The following FOXP1 variants were observed in gnomAD, a reference collection of about 807,000 sequenced individuals.
FOXP1 encodes the protein forkhead box protein P1.
In FOXP1, 15 loss-of-function variants were observed where a neutral mutation model predicts 98.2. The observed-to-expected ratio is 0.15, with a 90% confidence interval of 0.10 to 0.24. The LOEUF (loss-of-function observed/expected upper bound fraction) is 0.24, where lower values mean the gene tolerates loss of function less well. Ranked by LOEUF, FOXP1 falls within the 10% of genes least tolerant of loss-of-function variation. The pLI, the probability that FOXP1 is intolerant of heterozygous loss-of-function variation, is 1.00. For synonymous variants in FOXP1, 371 were observed against 314.5 expected (o/e 1.18, Z -1.90); for missense variants, 633 against 848.5 (o/e 0.75, Z 3.15).
rs2078329075 is a variant in FOXP1, at chr3:71,358,551, A to G, written c.-73+599T>C. 2.0e-5 allele frequency among the ~76,000 whole-genome samples: 3 copies of G among 152,238 alleles called. No homozygotes were observed. In the South Asian group the frequency reaches 6.2e-4, roughly 31 times the overall value. Reference sequence around the variant, plus strand: ...GCATTATATCTTGTTTCATCCTTACAACACCATCTTTCAAGGTAGTAAGGG... The same window carrying G: ...GCATTATATCTTGTTTCATCCTTACGACACCATCTTTCAAGGTAGTAAGGG... On this transcript the variant is annotated intron_variant, in intron 4 of 20. Transcript: ENST00000649528.
intron 11 of FOXP1, among the ~76,000 whole-genome samples, chr3:71,025,027 T>C (rs189991543): frequency 1.9e-3 from 288 of 152,306 alleles, no homozygotes; most frequent in African/African-American, 6.5e-3. Flanking sequence ...TTCATCTGCG[T>C]TGGATAAAGT....
rs187968121 is a variant in FOXP1, at chr3:71,323,393, G to T, written c.-72-23513C>A. Among the ~76,000 whole-genome samples, 18 of 152,224 alleles carry T rather than the reference G, an allele frequency of 1.2e-4. No individual in the cohort carries two copies. The East Asian group carries it at 3.3e-3, about 28-fold the overall frequency. ...GGAGGACCATCCCAACACAGAAACT[G>T]GGAGGGTGGAGAGGAAAGGCTCATT... On this transcript the variant is annotated intron_variant, in intron 4 of 20. Coordinates refer to ENST00000649528, the MANE Select transcript of FOXP1 (RefSeq NM_001349338.3).
chr3:71,307,881 G>T (rs1287621040), intron 4 of FOXP1, among the ~76,000 whole-genome samples: 2 of 152,136 alleles, frequency 1.3e-5, no homozygotes, highest in African/African-American at 2.4e-5. Flanking sequence ...AATTCCATAG[G>T]TATTAGATAC....
intron 6 of FOXP1, among the ~76,000 whole-genome samples, chr3:71,142,134 T>C (rs551225159): frequency 1.8e-5 from 1 of 54,882 alleles, no homozygotes; most frequent in Admixed American, 2.9e-4. Context: ...ATGTGTCATG[T>C]TGACAAACAA....
Position 70,955,215 on chromosome 3 carries a change from CTATT to C in FOXP1, c.*4028_*4031del, listed in dbSNP as rs893389833. 8.6e-6 allele frequency: 2 copies of C among 232,446 alleles called. No individual in the cohort carries two copies. The highest frequency in any genetic ancestry group is 6.1e-5 in the East Asian group (1 of 16,482). The allele number at this position is 232,446 out of a possible 1,614,324, so 14.4% of individuals were successfully genotyped here. A position where few individuals can be genotyped will look rare whatever the true frequency, so the allele number is the denominator to read the frequency against. On this transcript the variant is annotated 3_prime_UTR_variant, in exon 21 of 21. Transcript: ENST00000649528. ...AAAAGAGAGGAAATATTTTTTAACT[CTATT>C]TTTTTTCATGAGGAAAAAAAAGCTA...
chr3:70,956,314 T>C lies in FOXP1; in HGVS notation c.*2933A>G. On this transcript the variant is annotated 3_prime_UTR_variant, in exon 21 of 21. Coordinates refer to ENST00000649528, the MANE Select transcript of FOXP1 (RefSeq NM_001349338.3). ...GGATACAGAATCAGAATTGTAAAAATCATAGTGAAGTTTGCTTGCTGTAAA... is the reference window on the plus strand; with the variant it reads ...GGATACAGAATCAGAATTGTAAAAACCATAGTGAAGTTTGCTTGCTGTAAA... 4.3e-6 allele frequency: 1 copy of C among 233,134 alleles called. No homozygotes were observed. Among genetic ancestry groups the C allele is most frequent in the Non-Finnish European group, 8.5e-6 (1 of 117,772 alleles). The allele number at this position is 233,134 out of a possible 1,614,324, so 14.4% of individuals were successfully genotyped here. A position where few individuals can be genotyped will look rare whatever the true frequency, so the allele number is the denominator to read the frequency against.
chr3:71,469,550 G>C (rs1449998498), intron 3 of FOXP1, among the ~76,000 whole-genome samples: 1 of 152,116 alleles, frequency 6.6e-6, no homozygotes, highest in Non-Finnish European at 1.5e-5. Flanking sequence ...GATCCAAATG[G>C]GAGTATGATG....
chr3:71,248,773 G>A (rs1004847986), intron 5 of FOXP1, among the ~76,000 whole-genome samples: 1 of 151,034 alleles, frequency 6.6e-6, no homozygotes, highest in Non-Finnish European at 1.5e-5. Flanking sequence ...GCATGAAGTC[G>A]AATACAAACT....
At chr3:71,401,272 A>T (rs2081943773) in intron 3 of FOXP1, among the ~76,000 whole-genome samples, 1 of 152,194 alleles carries the variant, frequency 6.6e-6, no homozygotes, top group South Asian at 2.1e-4. Flanking sequence ...GAAAACAGGC[A>T]CCAACTCCTA....
At chr3:71,047,945 C>A (rs2107000540) in intron 9 of FOXP1, among the ~76,000 whole-genome samples, 1 of 152,224 alleles carries the variant, frequency 6.6e-6, no homozygotes, top group East Asian at 1.9e-4. Flanking sequence ...GGCCTTGCTT[C>A]AGCCAAAAAA....
intron 5 of FOXP1, among the ~76,000 whole-genome samples, chr3:71,205,643 G>C (rs1488937847): frequency 3.3e-5 from 5 of 152,104 alleles, no homozygotes; most frequent in African/African-American, 4.8e-5. Context: ...GGCCTCCCCA[G>C]GGAGGAGAAA....
chr3:71,056,644 G>A lies in FOXP1; in HGVS notation c.283-2871C>T, dbSNP rs566463465. On this transcript the variant is annotated intron_variant, in intron 7 of 20. Transcript: ENST00000649528. ...CTTCGCTTTTACTATCTGAAACCAC[G>A]TTTTCATGCCAGTTAGCTCTGGGCC... is the stretch of plus-strand genomic sequence containing the variant. 1.1e-3 allele frequency among the ~76,000 whole-genome samples: 163 copies of A among 152,216 alleles called. 1 individual carries two copies. In the Middle Eastern group the frequency reaches 0.014, roughly 13 times the overall value.
intron 4 of FOXP1, among the ~76,000 whole-genome samples, chr3:71,322,145 C>A (rs1003557737): frequency 1.3e-5 from 2 of 152,158 alleles, no homozygotes; most frequent in Non-Finnish European, 2.9e-5. Flanking sequence ...CGTTGTTTAG[C>A]AGACTTTAGG....
chr3:71,228,581 G>A (rs1405546631), intron 5 of FOXP1, among the ~76,000 whole-genome samples: 2 of 152,144 alleles, frequency 1.3e-5, no homozygotes, highest in Non-Finnish European at 2.9e-5. Flanking sequence ...CTAACACAAG[G>A]ACATAGTTCA....
intron 4 of FOXP1, among the ~76,000 whole-genome samples, chr3:71,340,933 A>G (rs75674135): frequency 0.027 from 4,052 of 152,240 alleles, 196 homozygotes; most frequent in African/African-American, 0.091. Context: ...GCTTTGAGAA[A>G]ATCTTCACCT....
intron 2 of FOXP1, among the ~76,000 whole-genome samples, chr3:71,565,384 G>C (rs951973685): frequency 6.6e-6 from 1 of 152,130 alleles, no homozygotes; most frequent in East Asian, 1.9e-4. Context: ...TTACCAATTC[G>C]TTGTGTAAAA....
chr3:71,048,415 T>C (rs1229477878), intron 9 of FOXP1, among the ~76,000 whole-genome samples: 3 of 152,216 alleles, frequency 2.0e-5, no homozygotes, highest in African/African-American at 7.2e-5. Flanking sequence ...CCTTTCGGTC[T>C]TCATGTAGTT....
intron 2 of FOXP1, among the ~76,000 whole-genome samples, chr3:71,512,688 CA>C: frequency 6.6e-6 from 1 of 152,298 alleles, no homozygotes; most frequent in African/African-American, 2.4e-5. Context: ...AACAGCTGGT[CA>C]CTACCCAGTA....
rs199633590 is a variant in FOXP1 at position 71,198,292 on chromosome 3, G to C, written c.90C>G (p.Gly30=). Reference sequence around the variant, plus strand: ...CGTTGGACCGCCCCTCCCGAAGACCGCCGCACTCTAGTAAGTGGTTGCTGC... The same window carrying C: ...CGTTGGACCGCCCCTCCCGAAGACCCCCGCACTCTAGTAAGTGGTTGCTGC... The part of the protein sequence containing the change: ...SGGSNHLLEC[G]GLREGRSNGE... The change falls in exon 6 of 21, where the codon GGC becomes GGG. Residue 30 remains glycine, a synonymous_variant. Coordinates refer to ENST00000649528, the MANE Select transcript of FOXP1 (RefSeq NM_001349338.3). 2.2e-5 allele frequency: 35 copies of C among 1,613,964 alleles called. No individual in the cohort carries two copies. The highest frequency in any genetic ancestry group is 2.7e-5 in the Non-Finnish European group (32 of 1,180,042).
Sources: allele counts gnomAD v4.1 joint callset (sites outside exome capture counted in the v4.1 genomes callset), GRCh38; gene constraint gnomAD v4.1.1; transcripts MANE v1.5; gene names NCBI Gene and HGNC (gene_info 2026-07-23, HGNC 2026-07-21).